Variants in SRBD1 observed in about 807,000 individuals in gnomAD.
SRBD1 encodes the protein S1 RNA binding domain 1.
In SRBD1, 88 loss-of-function variants were observed where a neutral mutation model predicts 115.3. The observed-to-expected ratio is 0.76, with a 90% confidence interval of 0.64 to 0.91. The LOEUF (loss-of-function observed/expected upper bound fraction) is 0.91. Ranked by LOEUF, SRBD1 falls within the 40% of genes least tolerant of loss-of-function variation. The probability of loss-of-function intolerance (pLI) is 0.00; values close to 1 mark genes in which losing one functional copy is unlikely to be tolerated. For synonymous variants in SRBD1, 509 were observed against 407.7 expected, an observed-to-expected ratio of 1.25 and a Z score of -2.99; for missense variants, 1,385 against 1,177.4, an observed-to-expected ratio of 1.18 and a Z score of -2.58.
At chr2:45,456,863 G>A (rs536105917) in intron 16 of SRBD1, among the ~76,000 whole-genome samples, 6 of 151,902 alleles carry the variant, frequency 3.9e-5, no homozygotes, top group African/African-American at 1.2e-4. Flanking sequence ...ATTAGGGCAC[G>A]TTTAATTTCT....
intron 14 of SRBD1, among the ~76,000 whole-genome samples, chr2:45,531,717 C>G (rs1671617545): frequency 6.6e-6 from 1 of 151,692 alleles, no homozygotes; most frequent in Non-Finnish European, 1.5e-5. Flanking sequence ...TATATTAAGC[C>G]TAGAACAGAC....
At chr2:45,593,027 T>C (rs1337097914) in intron 4 of SRBD1, among the ~76,000 whole-genome samples, 1 of 152,166 alleles carries the variant, frequency 6.6e-6, no homozygotes, top group Non-Finnish European at 1.5e-5. Context: ...TATAAGCGAT[T>C]CACATTTATT....
chr2:45,420,314 C>G (rs1667958079), intron 16 of SRBD1, among the ~76,000 whole-genome samples: 1 of 152,134 alleles, frequency 6.6e-6, no homozygotes, highest in Non-Finnish European at 1.5e-5. Context: ...GAGACATAGT[C>G]TCTAACATTC....
chr2:45,524,661 A>G (rs953684508), intron 14 of SRBD1, among the ~76,000 whole-genome samples: 2 of 152,094 alleles, frequency 1.3e-5, no homozygotes, highest in Non-Finnish European at 2.9e-5. Context: ...AAATAAGTGG[A>G]AAGACATCAA....
At position 45,547,412 on chromosome 2, in the gene SRBD1, G is replaced by T. The variant is rs886422137; in HGVS notation, c.1766+110C>A. 6.6e-6 allele frequency: 6 copies of T among 903,284 alleles called. No homozygotes were observed. In the Admixed American group the frequency reaches 1.0e-4, roughly 16 times the overall value. 56.0% of individuals were successfully genotyped at this position (903,284 alleles called of 1,614,324 possible). A position where few individuals can be genotyped will look rare whatever the true frequency, so the allele number is the denominator to read the frequency against. On this transcript the variant is annotated intron_variant, in intron 13 of 20. Transcript: ENST00000263736. ...CCAGAACTGTTTTATATGGTTTATT[G>T]TCTCTCACAAAGGCACCTCCCTTAA... is the stretch of plus-strand genomic sequence containing the variant.
chr2:45,548,043 A>G (rs941935466), intron 12 of SRBD1, among the ~76,000 whole-genome samples: 1 of 151,826 alleles, frequency 6.6e-6, no homozygotes, highest in African/African-American at 2.4e-5. Flanking sequence ...TTGCATTATA[A>G]AGAAAAATAT....
intron 14 of SRBD1, among the ~76,000 whole-genome samples, chr2:45,539,813 C>T (rs1671877094): frequency 6.6e-6 from 1 of 152,042 alleles, no homozygotes; most frequent in African/African-American, 2.4e-5. Flanking sequence ...AAAAAGCTTA[C>T]CTTAAGAACT....
intron 14 of SRBD1, among the ~76,000 whole-genome samples, chr2:45,517,125 G>A (rs1671143196): frequency 6.6e-6 from 1 of 152,184 alleles, no homozygotes; most frequent in South Asian, 2.1e-4. Context: ...ACACAGTAAT[G>A]AGGGTATCTA....
chr2:45,442,348 T>C (rs1191415382), intron 16 of SRBD1, among the ~76,000 whole-genome samples: 1 of 152,160 alleles, frequency 6.6e-6, no homozygotes, highest in South Asian at 2.1e-4. Context: ...GGAAAAAACT[T>C]ATATGAAAAT....
Position 45,586,917 on chromosome 2 carries a change from A to G in SRBD1, c.649-1143T>C, listed in dbSNP as rs1187759760. ...AAATCATTGGTATTTTAAATATTTA[A>G]TTATTTTAAATTATAAATATTAAAA... On this transcript the variant is annotated intron_variant, in intron 4 of 20. Coordinates refer to ENST00000263736, the MANE Select transcript of SRBD1 (RefSeq NM_018079.5). Among the ~76,000 whole-genome samples the G allele has an allele frequency of 6.1e-5, 9 of 147,094 alleles. No homozygotes were observed. The East Asian group carries it at 1.8e-3, about 29-fold the overall frequency.
At chr2:45,405,796 G>A (rs1302730428) in intron 19 of SRBD1, among the ~76,000 whole-genome samples, 1 of 152,120 alleles carries the variant, frequency 6.6e-6, no homozygotes, top group African/African-American at 2.4e-5. Flanking sequence ...AATTTCAGAA[G>A]AGGGGTAAGG....
intron 14 of SRBD1, among the ~76,000 whole-genome samples, chr2:45,539,809 C>T (rs1671877027): frequency 1.3e-5 from 2 of 152,082 alleles, no homozygotes; most frequent in African/African-American, 4.8e-5. Flanking sequence ...AAATAAAAAG[C>T]TTACCTTAAG....
At chr2:45,490,186 G>A (rs1404166802) in intron 14 of SRBD1, among the ~76,000 whole-genome samples, 1 of 152,112 alleles carries the variant, frequency 6.6e-6, no homozygotes, top group Non-Finnish European at 1.5e-5. Context: ...AAAATGTAGT[G>A]TTACATAATA....
intron 16 of SRBD1, chr2:45,447,688 T>C (rs955360904): frequency 2.0e-5 from 3 of 152,180 alleles, no homozygotes; most frequent in Non-Finnish European, 2.9e-5. Context: ...TATAAAACCA[T>C]GAAAGTTGAA....
At chr2:45,475,797 C>T (rs578195901) in intron 16 of SRBD1, among the ~76,000 whole-genome samples, 1 of 152,330 alleles carries the variant, frequency 6.6e-6, no homozygotes, top group South Asian at 2.1e-4. Context: ...CTCCTGGGTT[C>T]AAGCGATTGT....
At chr2:45,545,563 G>A (rs1262500039) in intron 14 of SRBD1, among the ~76,000 whole-genome samples, 1 of 152,116 alleles carries the variant, frequency 6.6e-6, no homozygotes, top group Non-Finnish European at 1.5e-5. Flanking sequence ...GAAATAAACT[G>A]AACCAGCTAC....
chr2:45,570,713 C>A (rs1672979724), intron 9 of SRBD1, among the ~76,000 whole-genome samples: 1 of 152,184 alleles, frequency 6.6e-6, no homozygotes, highest in South Asian at 2.1e-4. Context: ...TCAGCAGTGG[C>A]CTCTGAAGAT....
At chr2:45,566,393 C>T (rs1403487905) in intron 9 of SRBD1, among the ~76,000 whole-genome samples, 2 of 152,168 alleles carry the variant, frequency 1.3e-5, no homozygotes, top group Non-Finnish European at 2.9e-5. Flanking sequence ...GAAAGGCATA[C>T]TAATACATAC....
intron 16 of SRBD1, among the ~76,000 whole-genome samples, chr2:45,462,573 C>G (rs1314743015): frequency 2.0e-5 from 3 of 151,536 alleles, no homozygotes; most frequent in Non-Finnish European, 4.4e-5. Flanking sequence ...TTAAAGACAA[C>G]ACATCAGCAG....
Sources: gnomAD v4.1 joint callset for allele counts (sites outside exome capture counted in the v4.1 genomes callset) on GRCh38, gnomAD v4.1.1 for gene constraint, MANE v1.5 for transcripts, NCBI Gene and HGNC (gene_info 2026-07-23, HGNC 2026-07-21) for gene names.